MAML3: variants seen among roughly 807,000 people sequenced by gnomAD.
The protein encoded by MAML3 is mastermind-like protein 3.
MAML3 carries 27 observed loss-of-function variants against 101.9 expected under a neutral mutation model. The ratio of observed to expected loss-of-function variants is 0.27; its 90% CI spans 0.20 to 0.37. The LOEUF is 0.37. Ranked by LOEUF, MAML3 falls within the 10% of genes least tolerant of loss-of-function variation. MAML3 has a pLI of 1.00. For missense variants in MAML3, 1,316 were observed against 1,444.9 expected (o/e 0.91, Z 1.45); for synonymous variants, 501 against 555.9 (o/e 0.90, Z 1.39).
chr4:139,998,122 C>T (rs1734851979), intron 1 of MAML3, among the ~76,000 whole-genome samples: 1 of 152,036 alleles, frequency 6.6e-6, no homozygotes, highest in Admixed American at 6.6e-5. Flanking sequence ...CTAGGATTCC[C>T]ATTATATGTA....
At chr4:140,099,672 G>T (rs1728221819) in intron 1 of MAML3, among the ~76,000 whole-genome samples, 1 of 152,108 alleles carries the variant, frequency 6.6e-6, no homozygotes, top group Non-Finnish European at 1.5e-5. Flanking sequence ...AATGGATTTT[G>T]GTGAAAATTA....
chr4:139,796,272 G>A (rs143904037), intron 2 of MAML3, among the ~76,000 whole-genome samples: 9 of 152,224 alleles, frequency 5.9e-5, no homozygotes, highest in Admixed American at 6.5e-5. Context: ...AAGAAACTTC[G>A]AAAAAAGAAG....
chr4:139,873,286 T>G (rs1732050563), intron 2 of MAML3, among the ~76,000 whole-genome samples: 1 of 152,160 alleles, frequency 6.6e-6, no homozygotes, highest in South Asian at 2.1e-4. Flanking sequence ...TCATCCCTCC[T>G]CTCACTCCAG....
chr4:139,919,391 A>G (rs1382781362), intron 1 of MAML3, among the ~76,000 whole-genome samples: 1 of 152,190 alleles, frequency 6.6e-6, no homozygotes, highest in Non-Finnish European at 1.5e-5. Context: ...ATCCCATTTT[A>G]TTTTGAACTG....
At chr4:139,922,355 C>G (rs956582927) in intron 1 of MAML3, among the ~76,000 whole-genome samples, 1 of 151,970 alleles carries the variant, frequency 6.6e-6, no homozygotes, top group East Asian at 1.9e-4. Flanking sequence ...AGATCATTAC[C>G]ATATCAAAGG....
intron 2 of MAML3, among the ~76,000 whole-genome samples, chr4:139,772,020 A>G (rs1212757104): frequency 5.3e-5 from 8 of 150,752 alleles, no homozygotes; most frequent in African/African-American, 1.2e-4. Context: ...TGGGCGGATC[A>G]CGAGGTCAGC....
intron 1 of MAML3, among the ~76,000 whole-genome samples, chr4:139,904,743 C>A (rs1732787996): frequency 7.0e-6 from 1 of 142,414 alleles, no homozygotes; most frequent in Non-Finnish European, 1.6e-5. Flanking sequence ...TAAGTGATTT[C>A]ATCATTGTGT....
At chr4:140,013,329 T>C (rs1391397627) in intron 1 of MAML3, among the ~76,000 whole-genome samples, 1 of 152,228 alleles carries the variant, frequency 6.6e-6, no homozygotes, top group Non-Finnish European at 1.5e-5. Context: ...TTTCTTCCTC[T>C]GGAATATCTT....
At position 139,780,834 on chromosome 4, in the gene MAML3, G is replaced by C. The variant is rs544978171; in HGVS notation, c.2080-50167C>G. 2.0e-5 allele frequency among the ~76,000 whole-genome samples: 3 copies of C among 152,052 alleles called. No homozygotes were observed. In the East Asian group the frequency reaches 5.8e-4, roughly 29 times the overall value. On this transcript the variant is annotated intron_variant, in intron 2 of 4. Transcript: ENST00000509479. ...TAGCAGAGACGGGTTTTACAATGTTGGCCAGGCTGGTCTCAAACTCCTGGC... is the reference window on the plus strand; with the variant it reads ...TAGCAGAGACGGGTTTTACAATGTTCGCCAGGCTGGTCTCAAACTCCTGGC...
chr4:139,858,014 A>G (rs1226505496), intron 2 of MAML3, among the ~76,000 whole-genome samples: 1 of 152,222 alleles, frequency 6.6e-6, no homozygotes, highest in African/African-American at 2.4e-5. Flanking sequence ...TTACCATATA[A>G]TTCCATCAGG....
chr4:139,832,560 T>C (rs1235634782), intron 2 of MAML3, among the ~76,000 whole-genome samples: 1 of 152,202 alleles, frequency 6.6e-6, no homozygotes, highest in Non-Finnish European at 1.5e-5. Flanking sequence ...TTATTCACTG[T>C]TTCTTCCCAA....
chr4:139,835,895 A>G (rs953869851), intron 2 of MAML3, among the ~76,000 whole-genome samples: 6 of 152,250 alleles, frequency 3.9e-5, no homozygotes, highest in African/African-American at 1.4e-4. Context: ...TTCCATCTAT[A>G]TAATGGAAAA....
intron 1 of MAML3, among the ~76,000 whole-genome samples, chr4:139,907,599 TTG>T (rs1423007946): frequency 6.6e-6 from 1 of 152,182 alleles, no homozygotes; most frequent in Non-Finnish European, 1.5e-5. Context: ...TCAAAAGAAT[TTG>T]TGACTTTTTG....
Position 139,865,620 on chromosome 4 carries a change from ACTCTTCCCAACTTATC to A in MAML3, c.2079+23721_2079+23736del, listed in dbSNP as rs533912171. Among the ~76,000 whole-genome samples the A allele has an allele frequency of 2.4e-4, 36 of 150,676 alleles. No individual in the cohort carries two copies. In the East Asian group the frequency reaches 4.8e-3, roughly 20 times the overall value. On this transcript the variant is annotated intron_variant, in intron 2 of 4. Transcript: ENST00000509479. ...ATCAGCCTCTTTTTCCTCTTGTTTA[ACTCTTCCCAACTTATC>A]CTCTTCCCCCCAAAATGAACTAGGC...
intron 1 of MAML3, among the ~76,000 whole-genome samples, chr4:140,149,645 T>C (rs1729122674): frequency 6.6e-6 from 1 of 152,200 alleles, no homozygotes; most frequent in African/African-American, 2.4e-5. Context: ...CCTATTCATC[T>C]TTATTTTTAT....
At chr4:140,084,032 C>T (rs1478016290) in intron 1 of MAML3, among the ~76,000 whole-genome samples, 1 of 150,938 alleles carries the variant, frequency 6.6e-6, no homozygotes, top group African/African-American at 2.4e-5. Flanking sequence ...CTCCTGCCAG[C>T]AGAGAATGGC....
chr4:139,727,812 C>G (rs377711314), intron 3 of MAML3, among the ~76,000 whole-genome samples: 29 of 152,318 alleles, frequency 1.9e-4, no homozygotes, highest in African/African-American at 6.5e-4. Context: ...CCTCACATGT[C>G]CTTTCAGGAA....
At chr4:139,830,222 C>A (rs754931602) in intron 2 of MAML3, among the ~76,000 whole-genome samples, 1 of 152,156 alleles carries the variant, frequency 6.6e-6, no homozygotes, top group Non-Finnish European at 1.5e-5. Context: ...GAGACTCCTG[C>A]TCTTGGCAAG....
intron 2 of MAML3, among the ~76,000 whole-genome samples, chr4:139,814,517 G>A (rs1443855999): frequency 2.6e-5 from 4 of 152,150 alleles, no homozygotes; most frequent in Non-Finnish European, 5.9e-5. Flanking sequence ...CACGGGGGAC[G>A]ATTTCAAAAC....
Sources: allele counts gnomAD v4.1 joint callset (sites outside exome capture counted in the v4.1 genomes callset), GRCh38; gene constraint gnomAD v4.1.1; transcripts MANE v1.5; gene names NCBI Gene and HGNC (gene_info 2026-07-23, HGNC 2026-07-21).